QKI: variants seen among roughly 807,000 people sequenced by gnomAD.
QKI encodes KH domain-containing RNA-binding protein QKI.
Under a neutral mutation model 39.0 loss-of-function variants are expected in QKI, and 10 were observed. That is an observed-to-expected ratio of 0.26 (90% CI 0.16 to 0.43). The LOEUF is 0.43. QKI is among the 20% of genes least tolerant of loss of function. The pLI is 1.00. For missense variants in QKI, 218 were observed against 428.0 expected (o/e 0.51, Z 4.33); for synonymous variants, 204 against 155.4 (o/e 1.31, Z -2.33).
chr6:163,481,235 GT>G lies in QKI; in HGVS notation c.402+2340del, dbSNP rs1316918588. 5.8e-5 allele frequency among the ~76,000 whole-genome samples: 8 copies of G among 138,532 alleles called. No individual in the cohort carries two copies. In the East Asian group the frequency reaches 1.5e-3, roughly 27 times the overall value. The allele number at this position is 138,532 out of a possible 152,430, so 90.9% of individuals were successfully genotyped here. A position where few individuals can be genotyped will look rare whatever the true frequency, so the allele number is the denominator to read the frequency against. Reference sequence around the variant, plus strand: ...GAGTTGTCCATGTATATATAGACATGTGTGTATATATATATATGTGTGTGCG... The same window carrying G: ...GAGTTGTCCATGTATATATAGACATGGTGTATATATATATATGTGTGTGCG... On this transcript the variant is annotated intron_variant, in intron 3 of 7. Coordinates refer to ENST00000361752, the MANE Select transcript of QKI (RefSeq NM_006775.3).
At chr6:163,417,131 C>G (rs1389605721) in intron 1 of QKI, among the ~76,000 whole-genome samples, 4 of 152,130 alleles carry the variant, frequency 2.6e-5, no homozygotes, top group Admixed American at 2.6e-4. Flanking sequence ...ATTGAAAATA[C>G]TTTCCTTAAA....
In QKI at chr6:163,547,917, C is replaced by T. The variant is rs148453385; in HGVS notation, c.546+12792C>T. ...TAGGTTTTCAGTGACTTTCTATCAC[C>T]CCATGGTAAAAATGTATGGCATTCA... On this transcript the variant is annotated intron_variant, in intron 4 of 7. Transcript: ENST00000361752. Among the ~76,000 whole-genome samples, 5 of 152,178 alleles carry T rather than the reference C, an allele frequency of 3.3e-5. No homozygotes were observed. The East Asian group carries it at 9.7e-4, about 29-fold the overall frequency.
intron 3 of QKI, among the ~76,000 whole-genome samples, chr6:163,499,075 G>A (rs776804038): frequency 2.0e-5 from 3 of 152,086 alleles, no homozygotes; most frequent in Non-Finnish European, 2.9e-5. Flanking sequence ...GTCGACACAG[G>A]TATGCAGTTC....
At chr6:163,517,706 T>C (rs1009840003) in intron 3 of QKI, among the ~76,000 whole-genome samples, 2 of 152,152 alleles carry the variant, frequency 1.3e-5, no homozygotes, top group African/African-American at 4.8e-5. Context: ...ACTGGAAACA[T>C]ACAAGAAATG....
chr6:163,564,662 T>TA (rs1562550154), intron 6 of QKI: 5 of 1,614,100 alleles, frequency 3.1e-6, no homozygotes, highest in South Asian at 1.1e-5. Flanking sequence ...GCCTTTTTTT[T>TA]ATAGAGTGGA....
chr6:163,505,155 A>G (rs2128233128), intron 3 of QKI, among the ~76,000 whole-genome samples: 1 of 152,278 alleles, frequency 6.6e-6, no homozygotes, highest in South Asian at 2.1e-4. Flanking sequence ...TTGAGCTTTG[A>G]GAATCTTTGC....
intron 4 of QKI, among the ~76,000 whole-genome samples, chr6:163,538,426 C>G (rs192706044): frequency 2.0e-5 from 3 of 151,986 alleles, no homozygotes; most frequent in Non-Finnish European, 4.4e-5. Flanking sequence ...GCGAAAAGTG[C>G]GGTGGCCCTG....
intron 3 of QKI, among the ~76,000 whole-genome samples, chr6:163,510,724 T>C (rs1196007089): frequency 1.3e-5 from 2 of 152,202 alleles, no homozygotes; most frequent in African/African-American, 4.8e-5. Context: ...GTAATGTGGA[T>C]TCTTCATAGT....
chr6:163,424,862 C>G (rs1349033504), intron 1 of QKI, among the ~76,000 whole-genome samples: 1 of 151,930 alleles, frequency 6.6e-6, no homozygotes, highest in Non-Finnish European at 1.5e-5. Context: ...AACTCCTGAC[C>G]TCAGGTAATA....
intron 3 of QKI, among the ~76,000 whole-genome samples, chr6:163,524,322 G>T (rs1040932371): frequency 1.5e-4 from 21 of 140,938 alleles, no homozygotes; most frequent in Non-Finnish European, 4.6e-5. Flanking sequence ...TATTAACTAA[G>T]TTGGTTAAAA....
Position 163,415,042 on chromosome 6 carries a change from C to T in QKI, c.-152C>T, listed in dbSNP as rs1332209764. On this transcript the variant is annotated 5_prime_UTR_variant, in exon 1 of 8. Transcript: ENST00000361752. ...GGGCGAGCGCGCGGTGCCGGCCGCCCCGGGGCTCGGCGCGGGAGCCAGAGC... is the reference window on the plus strand; with the variant it reads ...GGGCGAGCGCGCGGTGCCGGCCGCCTCGGGGCTCGGCGCGGGAGCCAGAGC... 4.9e-6 allele frequency: 4 copies of T among 816,734 alleles called. No homozygotes were observed. The highest frequency in any genetic ancestry group is 5.9e-6 in the Non-Finnish European group (4 of 680,056). 50.6% of individuals were successfully genotyped at this position (816,734 alleles called of 1,614,324 possible). A position where few individuals can be genotyped will look rare whatever the true frequency, so the allele number is the denominator to read the frequency against.
intron 4 of QKI, among the ~76,000 whole-genome samples, chr6:163,538,284 T>G (rs1052839637): frequency 6.6e-6 from 1 of 152,162 alleles, no homozygotes; most frequent in Non-Finnish European, 1.5e-5. Flanking sequence ...AAAACAAATA[T>G]AGGCAATATT....
intron 3 of QKI, among the ~76,000 whole-genome samples, chr6:163,521,282 G>T (rs923609470): frequency 3.3e-5 from 5 of 152,120 alleles, no homozygotes; most frequent in South Asian, 2.1e-4. Flanking sequence ...TATGGGAATC[G>T]CTGGGATGTG....
intron 1 of QKI, among the ~76,000 whole-genome samples, chr6:163,419,367 T>C (rs756929581): frequency 2.6e-5 from 4 of 152,080 alleles, no homozygotes; most frequent in Non-Finnish European, 4.4e-5. Context: ...TGGTGGTTGG[T>C]ATTGAGAGGA....
At chr6:163,497,314 G>T (rs1195950283) in intron 3 of QKI, among the ~76,000 whole-genome samples, 8 of 152,038 alleles carry the variant, frequency 5.3e-5, no homozygotes, top group African/African-American at 1.9e-4. Context: ...TCTAGGGGAA[G>T]ATTGGAAATT....
At chr6:163,418,094 CTT>C (rs919609202) in intron 1 of QKI, among the ~76,000 whole-genome samples, 6 of 140,840 alleles carry the variant, frequency 4.3e-5, no homozygotes, top group African/African-American at 5.2e-5. Context: ...TTAGGCATTA[CTT>C]TTTTTTTTTT....
At position 163,415,137 on chromosome 6, in the gene QKI, T is replaced by TC; in HGVS notation, c.-55dup. The TC allele has an allele frequency of 7.5e-7, 1 of 1,324,712 alleles. No homozygotes were observed. The highest frequency in any genetic ancestry group is 9.9e-7 in the Non-Finnish European group (1 of 1,015,184). The allele number at this position is 1,324,712 out of a possible 1,614,324, so 82.1% of individuals were successfully genotyped here. On this transcript the variant is annotated 5_prime_UTR_variant, in exon 1 of 8. Transcript: ENST00000361752. Reference sequence around the variant, plus strand: ...GCCGGGGCTCGCCCCCGCCCCTCCCTCCTCTCCGGCGGCGGCGGCGGCGGC... The same window carrying TC: ...GCCGGGGCTCGCCCCCGCCCCTCCCTCCCTCTCCGGCGGCGGCGGCGGCGGC...
chr6:163,471,630 G>A (rs1019000234), intron 2 of QKI, among the ~76,000 whole-genome samples: 82 of 152,142 alleles, frequency 5.4e-4, no homozygotes, highest in African/African-American at 1.8e-3. Context: ...ATACTAGGGT[G>A]AACAAGCATA....
chr6:163,520,070 T>C (rs1467829368), intron 3 of QKI, among the ~76,000 whole-genome samples: 1 of 152,146 alleles, frequency 6.6e-6, no homozygotes, highest in Non-Finnish European at 1.5e-5. Flanking sequence ...AAGCAAACAA[T>C]TTTTGATTCT....
Sources: gnomAD v4.1 joint callset for allele counts (sites outside exome capture counted in the v4.1 genomes callset) on GRCh38, gnomAD v4.1.1 for gene constraint, MANE v1.5 for transcripts, NCBI Gene and HGNC (gene_info 2026-07-23, HGNC 2026-07-21) for gene names.